The following LTA4H variants were observed in gnomAD, a reference collection of about 807,000 sequenced individuals.
LTA4H encodes leukotriene A-4 hydrolase.
In LTA4H, 59 loss-of-function variants were observed where a neutral mutation model predicts 89.8. That is an observed-to-expected ratio of 0.66 (90% CI 0.53 to 0.82). The LOEUF is 0.82. Ranked by LOEUF, LTA4H falls within the 40% of genes least tolerant of loss-of-function variation. The pLI is 0.00. For synonymous variants in LTA4H, 227 were observed against 253.1 expected (o/e 0.90, Z 0.98); for missense variants, 617 against 727.0 (o/e 0.85, Z 1.74).
chr12:96,031,885 C>G (rs565640925), intron 1 of LTA4H, among the ~76,000 whole-genome samples: 2 of 152,290 alleles, frequency 1.3e-5, no homozygotes, highest in African/African-American at 4.8e-5. Flanking sequence ...CTTTATGCCT[C>G]ATTATGATGT....
intron 14 of LTA4H, chr12:96,012,445 C>T (rs1340063051): frequency 3.3e-5 from 5 of 152,488 alleles, no homozygotes; most frequent in African/African-American, 1.2e-4. Flanking sequence ...GGCACGGTGG[C>T]TCACGCCTGT....
chr12:96,014,821 A>C lies in LTA4H; in HGVS notation c.1204+34T>G, dbSNP rs116743649. 5 of 1,576,226 alleles carry C rather than the reference A, an allele frequency of 3.2e-6. No individual in the cohort carries two copies. In the African/African-American group the frequency reaches 6.9e-5, roughly 22 times the overall value. On this transcript the variant is annotated intron_variant, in intron 12 of 18. Transcript: ENST00000228740. Reference sequence around the variant, plus strand: ...CCTAATTCTCACATTACCCTCAAAAAGAAAAAAAAAATCATAAAATACCAA... The same window carrying C: ...CCTAATTCTCACATTACCCTCAAAACGAAAAAAAAAATCATAAAATACCAA...
rs201485339 is a variant in LTA4H at position 96,018,087 on chromosome 12, A to AT, written c.853-508dup. 3.1e-3 allele frequency among the ~76,000 whole-genome samples: 469 copies of AT among 150,046 alleles called. 1 individual carries two copies. Among genetic ancestry groups the AT allele is most frequent in the African/African-American group, 0.01 (427 of 40,982 alleles). ...ATCCTTTCCTGTACATGGTGTACTG[A>AT]TTTTTTTTTTAATTGTACCTACACA... is the stretch of plus-strand genomic sequence containing the variant. On this transcript the variant is annotated intron_variant, in intron 8 of 18. Coordinates refer to ENST00000228740, the MANE Select transcript of LTA4H (RefSeq NM_000895.3).
At chr12:96,041,628 A>G (rs1950686464) in intron 1 of LTA4H, among the ~76,000 whole-genome samples, 2 of 152,024 alleles carry the variant, frequency 1.3e-5, no homozygotes, top group Admixed American at 1.3e-4. Flanking sequence ...TTATCTTCAA[A>G]GTAGTATAAA....
At position 96,035,570 on chromosome 12, in the gene LTA4H, C is replaced by G; in HGVS notation, c.-51G>C. On this transcript the variant is annotated 5_prime_UTR_variant, in exon 1 of 19. Transcript: ENST00000228740. ...CGACCTACAGCCCAACGCTCAGCTA[C>G]CAGACTCGTCGATAGAGAACCTGAG... 6.5e-7 allele frequency: 1 copy of G among 1,538,694 alleles called. No individual in the cohort carries two copies. Among genetic ancestry groups the G allele is most frequent in the Non-Finnish European group, 8.8e-7 (1 of 1,134,002 alleles).
upstream of LTA4H, among the ~76,000 whole-genome samples, chr12:96,040,387 A>C (rs997968823): frequency 6.6e-6 from 1 of 152,098 alleles, no homozygotes; most frequent in Non-Finnish European, 1.5e-5. Context: ...TAGTAGTAAA[A>C]CCTTCCATGT....
chr12:96,037,263 C>G (rs1022164341), upstream of LTA4H, among the ~76,000 whole-genome samples: 1 of 152,128 alleles, frequency 6.6e-6, no homozygotes. Flanking sequence ...TAGACATGAC[C>G]ACGTCACATA....
chr12:96,038,908 A>G (rs1386538131), upstream of LTA4H, among the ~76,000 whole-genome samples: 2 of 151,458 alleles, frequency 1.3e-5, no homozygotes, highest in Non-Finnish European at 2.9e-5. Context: ...ACAACCACAA[A>G]TAAATTCCTC....
intron 3 of LTA4H, among the ~76,000 whole-genome samples, chr12:96,026,324 CT>C (rs1950512860): frequency 6.6e-6 from 1 of 152,216 alleles, no homozygotes; most frequent in Non-Finnish European, 1.5e-5. Flanking sequence ...TACATGATTC[CT>C]ATCACCTCAA....
At chr12:96,032,240 T>C (rs537235965) in intron 1 of LTA4H, among the ~76,000 whole-genome samples, 5 of 152,352 alleles carry the variant, frequency 3.3e-5, no homozygotes, top group African/African-American at 1.2e-4. Context: ...TTAGAAAGCT[T>C]AGAATTTGTC....
chr12:96,030,240 T>G (rs1410164735), intron 1 of LTA4H, among the ~76,000 whole-genome samples: 1 of 152,164 alleles, frequency 6.6e-6, no homozygotes, highest in African/African-American at 2.4e-5. Context: ...CCTCCTTTAT[T>G]CCAATTCAAA....
chr12:96,038,569 G>A (rs1592905420), upstream of LTA4H, among the ~76,000 whole-genome samples: 1 of 151,582 alleles, frequency 6.6e-6, no homozygotes, highest in South Asian at 2.1e-4. Flanking sequence ...TTTAGAGATG[G>A]GGTTTTGTCA....
Position 96,029,121 on chromosome 12 carries a change from G to A in LTA4H, c.224C>T (p.Ala75Val). ...CTTGTAACTTTGTCTTTCTCCAAGA[G>A]CATATTTGACTTCTTGTCCATTGAT... The part of the protein sequence containing the change: ...VVINGQEVKY[A>V]LGERQSYKGS... Residue 75 changes from alanine to valine, a missense_variant, in exon 2 of 19, where the codon GCT becomes GTT. Around this residue, in one of 3 missense-constraint regions of LTA4H, gnomAD observed 155 missense variants for 143.3 expected, o/e 1.08. Transcript: ENST00000228740. 6.3e-7 allele frequency: 1 copy of A among 1,594,424 alleles called. No individual in the cohort carries two copies. Among genetic ancestry groups the A allele is most frequent in the Non-Finnish European group, 8.6e-7 (1 of 1,168,232 alleles).
At chr12:96,029,791 A>C (rs1246374797) in intron 1 of LTA4H, among the ~76,000 whole-genome samples, 1 of 152,126 alleles carries the variant, frequency 6.6e-6, no homozygotes, top group Non-Finnish European at 1.5e-5. Flanking sequence ...TTCTATCCCC[A>C]AAATCCTGAG....
Position 96,027,500 on chromosome 12 carries a change from G to A in LTA4H, c.355C>T (p.Leu119Phe). 4 of 1,611,926 alleles carry A rather than the reference G, an allele frequency of 2.5e-6. No individual in the cohort carries two copies. The highest frequency in any genetic ancestry group is 3.4e-6 in the Non-Finnish European group (4 of 1,178,450). ...TSPKSSALQW[L>F]TPEQTSGKEH... Reference sequence around the variant, plus strand: ...TTCCCAGAAGTCTGTTCAGGAGTGAGCCACTGGAGAGCAGAAGATTTTGGA... The same window carrying A: ...TTCCCAGAAGTCTGTTCAGGAGTGAACCACTGGAGAGCAGAAGATTTTGGA... The change falls in exon 3 of 19, where the codon CTC (leucine) becomes TTC (phenylalanine). Residue 119 changes from leucine (L) to phenylalanine (F), a missense_variant. By Grantham distance (22) the Leu-to-Phe change is conservative. This residue lies in a region of LTA4H where 172 missense variants were observed against 244.5 expected (regional missense o/e 0.70). Transcript: ENST00000228740.
At chr12:96,019,495 G>A (rs2136896598) in intron 6 of LTA4H, among the ~76,000 whole-genome samples, 1 of 151,176 alleles carries the variant, frequency 6.6e-6, no homozygotes, top group East Asian at 1.9e-4. Context: ...TCCCCAATTA[G>A]TTTATTGCCT....
intron 1 of LTA4H, among the ~76,000 whole-genome samples, chr12:96,030,764 T>A (rs2247309): frequency 6.6e-6 from 1 of 151,958 alleles, no homozygotes; most frequent in East Asian, 1.9e-4. Flanking sequence ...GAACCAGCCA[T>A]TTCCCAGCTG....
At chr12:96,020,856 G>T in intron 6 of LTA4H, 1 of 433,890 alleles carries the variant, frequency 2.3e-6, no homozygotes, top group Admixed American at 4.7e-5. Flanking sequence ...GATCTCTAAA[G>T]GTAAGAGCAT....
intron 18 of LTA4H, among the ~76,000 whole-genome samples, chr12:96,002,668 T>C (rs1950124006): frequency 6.6e-6 from 1 of 152,252 alleles, no homozygotes; most frequent in South Asian, 2.1e-4. Context: ...AATTATCTTC[T>C]AGTTACCTTT....
Sources: allele counts gnomAD v4.1 joint callset (sites outside exome capture counted in the v4.1 genomes callset), GRCh38; gene constraint gnomAD v4.1.1; regional missense constraint gnomAD v4.1.1; transcripts MANE v1.5; gene names NCBI Gene and HGNC (gene_info 2026-07-23, HGNC 2026-07-21).